The following SCFD2 variants were observed in gnomAD, a reference collection of about 807,000 sequenced individuals.
SCFD2 encodes sec1 family domain containing 2.
A neutral mutation model predicts 58.9 loss-of-function variants in SCFD2; 54 were observed. The ratio of observed to expected loss-of-function variants is 0.92; its 90% confidence interval spans 0.74 to 1.15. The LOEUF (loss-of-function observed/expected upper bound fraction) is 1.15. Among genes scored for constraint, SCFD2 ranks in the 50% most tolerant of loss-of-function variants. The probability of loss-of-function intolerance (pLI) is 0.00; values close to 1 mark genes in which losing one functional copy is unlikely to be tolerated. For synonymous variants in SCFD2, 321 were observed against 335.9 expected, an observed-to-expected ratio of 0.96 and a Z score of 0.49; for missense variants, 805 against 836.6, an observed-to-expected ratio of 0.96 and a Z score of 0.47.
chr4:52,983,390 A>G (rs554646378), intron 5 of SCFD2, among the ~76,000 whole-genome samples: 25 of 152,334 alleles, frequency 1.6e-4, no homozygotes, highest in Admixed American at 4.6e-4. Context: ...AAAGCAGTCA[A>G]AATAATTTAA....
intron 3 of SCFD2, among the ~76,000 whole-genome samples, chr4:53,306,060 C>A (rs1354074020): frequency 6.6e-6 from 1 of 152,140 alleles, no homozygotes; most frequent in African/African-American, 2.4e-5. Flanking sequence ...GCCCCAACTA[C>A]TCTGAGTCTG....
intron 2 of SCFD2, among the ~76,000 whole-genome samples, chr4:53,338,729 C>G (rs1051873353): frequency 6.6e-6 from 1 of 151,046 alleles, no homozygotes; most frequent in Admixed American, 6.6e-5. Flanking sequence ...CACAGGCACC[C>G]GCCACTACGC....
intron 1 of SCFD2, among the ~76,000 whole-genome samples, chr4:53,356,252 A>G (rs1560464097): frequency 6.6e-6 from 1 of 152,254 alleles, no homozygotes; most frequent in Non-Finnish European, 1.5e-5. Context: ...GAACAAAGCA[A>G]AGAAAAAGAT....
intron 4 of SCFD2, among the ~76,000 whole-genome samples, chr4:53,161,228 A>G (rs1232467172): frequency 6.6e-6 from 1 of 152,222 alleles, no homozygotes; most frequent in African/African-American, 2.4e-5. Flanking sequence ...GGTGATGATT[A>G]CACAGCTGTC....
At chr4:53,345,966 G>C (rs1179505770) in intron 2 of SCFD2, among the ~76,000 whole-genome samples, 1 of 152,074 alleles carries the variant, frequency 6.6e-6, no homozygotes, top group East Asian at 1.9e-4. Flanking sequence ...GGGGGGCTTG[G>C]GGAGGGATAC....
At chr4:53,275,704 C>G (rs1313968439) in intron 3 of SCFD2, among the ~76,000 whole-genome samples, 1 of 152,076 alleles carries the variant, frequency 6.6e-6, no homozygotes, top group Non-Finnish European at 1.5e-5. Flanking sequence ...GTTGATGAAC[C>G]CTTATCCGTG....
In SCFD2 at chr4:53,239,124, C is replaced by G. The variant is rs994431004; in HGVS notation, c.1311+34702G>C. Among the ~76,000 whole-genome samples, 59 of 150,582 alleles carry G rather than the reference C, an allele frequency of 3.9e-4. No individual in the cohort carries two copies. The East Asian group carries it at 9.4e-3, about 24-fold the overall frequency. The stretch of plus-strand genomic sequence containing the variant: ...CTGCAATCCCAGCACCTCAGGAGGC[C>G]GAGGCTGGTGGATCACGTGCGGTTA... On this transcript the variant is annotated intron_variant, in intron 4 of 8. Coordinates refer to ENST00000401642, the MANE Select transcript of SCFD2 (RefSeq NM_152540.4).
chr4:52,901,966 T>C (rs1290981406), intron 7 of SCFD2, among the ~76,000 whole-genome samples: 2 of 152,206 alleles, frequency 1.3e-5, no homozygotes, highest in Non-Finnish European at 2.9e-5. Context: ...ATAAATAAGA[T>C]TGAGTTCTGT....
At chr4:53,229,590 CCCTT>C (rs1483384096) in intron 4 of SCFD2, among the ~76,000 whole-genome samples, 2 of 152,194 alleles carry the variant, frequency 1.3e-5, no homozygotes, top group Non-Finnish European at 2.9e-5. Context: ...GAAACTGGAT[CCCTT>C]CCTTACACCT....
chr4:53,321,932 C>T (rs879292737), intron 2 of SCFD2, among the ~76,000 whole-genome samples: 1 of 152,138 alleles, frequency 6.6e-6, no homozygotes, highest in African/African-American at 2.4e-5. Context: ...TGTGAGCATC[C>T]TCCCACACCC....
chr4:52,916,073 A>T (rs904956293), intron 6 of SCFD2, among the ~76,000 whole-genome samples: 1 of 152,196 alleles, frequency 6.6e-6, no homozygotes, highest in Non-Finnish European at 1.5e-5. Flanking sequence ...GCTCTTCAAG[A>T]TGCATGCCAA....
intron 8 of SCFD2, among the ~76,000 whole-genome samples, chr4:52,879,831 T>C (rs1281261433): frequency 6.6e-6 from 1 of 152,242 alleles, no homozygotes; most frequent in Non-Finnish European, 1.5e-5. Flanking sequence ...ATCCCCCTGA[T>C]TTCTAACACT....
intron 2 of SCFD2, among the ~76,000 whole-genome samples, chr4:53,320,990 AAT>A (rs1733007143): frequency 6.6e-6 from 1 of 152,248 alleles, no homozygotes; most frequent in African/African-American, 2.4e-5. Context: ...TATTCTATGA[AAT>A]ATAAGTAGTT....
At chr4:53,127,481 A>C (rs1025228801) in intron 5 of SCFD2, among the ~76,000 whole-genome samples, 24 of 152,196 alleles carry the variant, frequency 1.6e-4, no homozygotes, top group African/African-American at 5.1e-4. Context: ...AGAGTTTATG[A>C]TCCTGGAGGG....
chr4:52,934,205 A>G (rs576876977), intron 5 of SCFD2, among the ~76,000 whole-genome samples: 1 of 152,342 alleles, frequency 6.6e-6, no homozygotes, highest in Admixed American at 6.5e-5. Context: ...AACCTCCTTC[A>G]TTACTGCATC....
At chr4:52,882,393 A>G (rs537907472) in intron 8 of SCFD2, among the ~76,000 whole-genome samples, 2 of 152,310 alleles carry the variant, frequency 1.3e-5, no homozygotes, top group Admixed American at 6.5e-5. Context: ...AGATATTAGA[A>G]CCAAGAATGA....
intron 2 of SCFD2, among the ~76,000 whole-genome samples, chr4:53,330,256 T>C (rs539945060): frequency 1.3e-5 from 2 of 151,920 alleles, no homozygotes; most frequent in East Asian, 1.9e-4. Flanking sequence ...GCCACAAAGA[T>C]ACTCCTCAAG....
chr4:53,289,252 G>C (rs1291377470), intron 3 of SCFD2, among the ~76,000 whole-genome samples: 1 of 152,144 alleles, frequency 6.6e-6, no homozygotes, highest in Non-Finnish European at 1.5e-5. Context: ...TGTAATCCCA[G>C]CTACTCGGGA....
intron 4 of SCFD2, among the ~76,000 whole-genome samples, chr4:53,170,220 C>T (rs1167081549): frequency 6.6e-6 from 1 of 152,066 alleles, no homozygotes; most frequent in Non-Finnish European, 1.5e-5. Context: ...GTGAGATATA[C>T]AAAACTGTTC....
Sources: allele counts gnomAD v4.1 joint callset (sites outside exome capture counted in the v4.1 genomes callset), GRCh38; gene constraint gnomAD v4.1.1; transcripts MANE v1.5; gene names NCBI Gene and HGNC (gene_info 2026-07-23, HGNC 2026-07-21).